CSMD3: variants seen among roughly 807,000 people sequenced by gnomAD.
CSMD3 encodes CUB and Sushi multiple domains 3.
Under a neutral mutation model 435.2 loss-of-function variants are expected in CSMD3, and 177 were observed. The ratio of observed to expected loss-of-function variants is 0.41; its 90% CI spans 0.36 to 0.46. The LOEUF is 0.46. Among genes scored for constraint, CSMD3 ranks in the 20% least tolerant of loss-of-function variants. CSMD3 has a pLI of 0.34. For synonymous variants in CSMD3, 1,656 were observed against 1,520.5 expected (o/e 1.09, Z -2.07); for missense variants, 4,265 against 4,504.6 (o/e 0.95, Z 1.52).
intron 9 of CSMD3, among the ~76,000 whole-genome samples, chr8:112,944,294 C>T (rs1726939481): frequency 1.3e-5 from 2 of 151,660 alleles, no homozygotes; most frequent in African/African-American, 4.8e-5. Flanking sequence ...CTCTTCTCCA[C>T]TTCTCTGTCT....
At chr8:112,755,645 A>T (rs7832050) in intron 13 of CSMD3, among the ~76,000 whole-genome samples, 127,036 of 150,470 alleles carry the variant, frequency 0.84, 53,903 homozygotes, top group East Asian at 0.92. Context: ...ACTAATAGAG[A>T]TCCTAACACC....
At chr8:112,449,260 A>G (rs1815989361) in intron 32 of CSMD3, among the ~76,000 whole-genome samples, 1 of 152,194 alleles carries the variant, frequency 6.6e-6, no homozygotes, top group South Asian at 2.1e-4. Flanking sequence ...TTCATGAGAA[A>G]GGAAAAAAGA....
chr8:112,330,616 G>T (rs2130921745), intron 45 of CSMD3, among the ~76,000 whole-genome samples: 1 of 152,164 alleles, frequency 6.6e-6, no homozygotes, highest in East Asian at 1.9e-4. Context: ...ATTGAGCTGT[G>T]ATAAATCTAT....
intron 3 of CSMD3, among the ~76,000 whole-genome samples, chr8:113,277,354 G>T (rs910842281): frequency 1.4e-4 from 21 of 151,924 alleles, no homozygotes; most frequent in Non-Finnish European, 1.8e-4. Context: ...ACAAAAGACA[G>T]TTCAGAAAAG....
At chr8:112,827,284 G>T (rs1334104358) in intron 12 of CSMD3, among the ~76,000 whole-genome samples, 1 of 147,540 alleles carries the variant, frequency 6.8e-6, no homozygotes, top group Non-Finnish European at 1.5e-5. Flanking sequence ...ACAGCAATAG[G>T]AGGACATAGC....
intron 59 of CSMD3, among the ~76,000 whole-genome samples, chr8:112,280,732 CAA>C (rs549981903): frequency 5.8e-4 from 88 of 152,114 alleles, no homozygotes; most frequent in Non-Finnish European, 1.1e-3. Flanking sequence ...TTTAACATAA[CAA>C]GAGAGCAAAT....
intron 32 of CSMD3, among the ~76,000 whole-genome samples, chr8:112,438,861 C>A (rs1465580919): frequency 6.6e-6 from 1 of 152,136 alleles, no homozygotes; most frequent in East Asian, 1.9e-4. Flanking sequence ...AGCTTTTACA[C>A]CACATTTCTA....
At chr8:112,437,508 A>T (rs1311734289) in intron 32 of CSMD3, among the ~76,000 whole-genome samples, 2 of 152,096 alleles carry the variant, frequency 1.3e-5, no homozygotes, top group Non-Finnish European at 2.9e-5. Flanking sequence ...TTCATAAACA[A>T]ATATGTCAAT....
chr8:112,487,489 G>A (rs1417266432), intron 31 of CSMD3, among the ~76,000 whole-genome samples: 3 of 152,162 alleles, frequency 2.0e-5, no homozygotes, highest in Admixed American at 6.6e-5. Flanking sequence ...AGAGGTCAGG[G>A]TGTGTATGAG....
At position 112,335,475 on chromosome 8, in the gene CSMD3, C is replaced by T. The variant is rs1824467882; in HGVS notation, c.7020-1G>A. 2 of 1,613,542 alleles carry T rather than the reference C, an allele frequency of 1.2e-6. No individual in the cohort carries two copies. The highest frequency in any genetic ancestry group is 2.7e-5 in the African/African-American group (2 of 74,876). ...AGGTGAATTTTGGTCTGGTCCATCC[C>T]TATGAGACAAGGATTGGGAAAGGAG... On this transcript the variant is annotated splice_acceptor_variant, in intron 44 of 70. Transcript: ENST00000297405. LOFTEE classifies it high-confidence loss of function.
chr8:113,410,738 C>A (rs369330349), intron 1 of CSMD3, among the ~76,000 whole-genome samples: 17 of 61,556 alleles, frequency 2.8e-4, no homozygotes, highest in African/African-American at 1.6e-3. Context: ...CTCATCTGTA[C>A]TGGAAAAAAA....
intron 13 of CSMD3, among the ~76,000 whole-genome samples, chr8:112,794,599 C>G (rs945614770): frequency 2.6e-5 from 4 of 151,862 alleles, no homozygotes; most frequent in Non-Finnish European, 4.4e-5. Flanking sequence ...CCAGCCTGGA[C>G]TGATAACCTT....
At chr8:112,416,524 C>T (rs951640669) in intron 32 of CSMD3, among the ~76,000 whole-genome samples, 1 of 152,140 alleles carries the variant, frequency 6.6e-6, no homozygotes, top group Non-Finnish European at 1.5e-5. Context: ...TTAAAACTGC[C>T]TAAGCAAACC....
intron 13 of CSMD3, among the ~76,000 whole-genome samples, chr8:112,697,271 T>G (rs1364743751): frequency 2.0e-5 from 3 of 152,136 alleles, no homozygotes; most frequent in Non-Finnish European, 2.9e-5. Flanking sequence ...TAAAGACACA[T>G]GCATCCATAT....
chr8:113,008,652 A>G (rs1220014018), intron 6 of CSMD3, among the ~76,000 whole-genome samples: 3 of 151,770 alleles, frequency 2.0e-5, no homozygotes, highest in Non-Finnish European at 2.9e-5. Context: ...GTTGCATCAT[A>G]TAAGATGTAG....
At chr8:113,176,135 A>T (rs943331458) in intron 3 of CSMD3, among the ~76,000 whole-genome samples, 4 of 152,080 alleles carry the variant, frequency 2.6e-5, no homozygotes, top group Non-Finnish European at 5.9e-5. Flanking sequence ...AACTGATAAA[A>T]ATTTAGGTTA....
chr8:113,024,879 C>T (rs2086816329), intron 5 of CSMD3, among the ~76,000 whole-genome samples: 1 of 152,130 alleles, frequency 6.6e-6, no homozygotes, highest in African/African-American at 2.4e-5. Flanking sequence ...CACCCCTCTG[C>T]CATCCCTTGA....
intron 13 of CSMD3, among the ~76,000 whole-genome samples, chr8:112,783,348 G>C (rs1241524002): frequency 1.4e-5 from 2 of 142,458 alleles, no homozygotes; most frequent in East Asian, 2.2e-4. Context: ...AGAAAGCCAA[G>C]AATTAAAACA....
chr8:112,265,690 T>C, intron 59 of CSMD3, 100 bp from the exon 60 acceptor site: 1 of 845,930 alleles, frequency 1.2e-6, no homozygotes, highest in African/African-American at 1.7e-5. Flanking sequence ...AGCAGGAAAA[T>C]TAGTTATCGT....
Sources: gnomAD v4.1 joint callset for allele counts (sites outside exome capture counted in the v4.1 genomes callset) on GRCh38, gnomAD v4.1.1 for gene constraint, MANE v1.5 for transcripts, NCBI Gene and HGNC (gene_info 2026-07-23, HGNC 2026-07-21) for gene names.